The following TBC1D5 variants were observed in gnomAD, a reference collection of about 807,000 sequenced individuals.
TBC1D5 encodes TBC1 domain family, member 5.
Under a neutral mutation model 100.3 loss-of-function variants are expected in TBC1D5, and 75 were observed. That is an observed-to-expected ratio of 0.75 (90% CI 0.62 to 0.91). TBC1D5 has a LOEUF of 0.91. Ranked by LOEUF, TBC1D5 falls within the 40% of genes least tolerant of loss-of-function variation. The probability of loss-of-function intolerance (pLI) is 0.00; values close to 1 mark genes in which losing one functional copy is unlikely to be tolerated. For synonymous variants in TBC1D5, 323 were observed against 325.6 expected, an observed-to-expected ratio of 0.99 and a Z score of 0.09; for missense variants, 910 against 942.4, an observed-to-expected ratio of 0.97 and a Z score of 0.45.
intron 15 of TBC1D5, among the ~76,000 whole-genome samples, chr3:17,289,668 G>A (rs1369264914): frequency 6.6e-6 from 1 of 150,660 alleles, no homozygotes. Flanking sequence ...CAAAGACAAA[G>A]GATGTTCTGC....
intron 3 of TBC1D5, among the ~76,000 whole-genome samples, chr3:17,500,603 A>G (rs576086597): frequency 6.7e-6 from 1 of 149,448 alleles, no homozygotes; most frequent in African/African-American, 2.5e-5. Flanking sequence ...TCCTCCTTTT[A>G]TACTCTTTAA....
At chr3:17,563,990 G>A (rs1188391479) in intron 2 of TBC1D5, among the ~76,000 whole-genome samples, 3 of 152,148 alleles carry the variant, frequency 2.0e-5, no homozygotes, top group Non-Finnish European at 4.4e-5. Flanking sequence ...CACCGTGTTA[G>A]CCAGGATGGT....
rs560919695 is a variant in TBC1D5, at chr3:17,669,365, A to T, written c.-100-45452T>A. On this transcript the variant is annotated intron_variant, in intron 1 of 21. Transcript: ENST00000253692. ...AGCAGCATGAGAATGGACTAATACA[A>T]CGACAAAGAAGATAATAATCATTTA... 2.6e-5 allele frequency among the ~76,000 whole-genome samples: 4 copies of T among 152,288 alleles called. No individual in the cohort carries two copies. In the South Asian group the frequency reaches 8.3e-4, roughly 32 times the overall value.
intron 15 of TBC1D5, among the ~76,000 whole-genome samples, chr3:17,269,884 C>T (rs1375205205): frequency 1.3e-5 from 2 of 151,998 alleles, no homozygotes; most frequent in Non-Finnish European, 2.9e-5. Context: ...TTTTCTTTAT[C>T]CAATCCACCA....
intron 4 of TBC1D5, among the ~76,000 whole-genome samples, chr3:17,422,226 T>C (rs2094224110): frequency 6.6e-6 from 1 of 152,192 alleles, no homozygotes; most frequent in African/African-American, 2.4e-5. Flanking sequence ...AGCAGCACAG[T>C]GGTGCGATCT....
intron 3 of TBC1D5, among the ~76,000 whole-genome samples, chr3:17,441,484 G>A (rs1214610165): frequency 1.3e-5 from 2 of 152,158 alleles, no homozygotes; most frequent in Non-Finnish European, 2.9e-5. Flanking sequence ...GGTACAATAT[G>A]CAAAGCACAA....
chr3:17,543,450 TG>T (rs1427440449), intron 2 of TBC1D5, among the ~76,000 whole-genome samples: 2 of 151,892 alleles, frequency 1.3e-5, no homozygotes, highest in African/African-American at 4.8e-5. Flanking sequence ...CTGGGTAACA[TG>T]GTGAGATCCT....
chr3:17,320,153 T>C (rs559849143), intron 13 of TBC1D5, among the ~76,000 whole-genome samples: 1 of 152,362 alleles, frequency 6.6e-6, no homozygotes, highest in South Asian at 2.1e-4. Flanking sequence ...GCTTACTTCA[T>C]GTTACCTCAG....
At chr3:17,455,284 ATATGTATATATG>A (rs933517201) in intron 3 of TBC1D5, among the ~76,000 whole-genome samples, 13 of 146,888 alleles carry the variant, frequency 8.9e-5, no homozygotes, top group East Asian at 3.9e-4. Context: ...ATGTGTGTAT[ATATGTATATATG>A]TATGTATATA....
At chr3:17,305,411 A>G (rs2083299885) in intron 14 of TBC1D5, among the ~76,000 whole-genome samples, 1 of 152,158 alleles carries the variant, frequency 6.6e-6, no homozygotes, top group Non-Finnish European at 1.5e-5. Context: ...AAAAGGACAA[A>G]TAATTACTAT....
At chr3:17,722,830 A>C (rs2075814661) in intron 1 of TBC1D5, among the ~76,000 whole-genome samples, 1 of 152,158 alleles carries the variant, frequency 6.6e-6, no homozygotes, top group South Asian at 2.1e-4. Context: ...CTATCCTAGG[A>C]TCTCCCTTAC....
rs9882280 is a variant in TBC1D5, at chr3:17,600,847, A to G, written c.-36+23002T>C. On this transcript the variant is annotated intron_variant, in intron 2 of 21. Coordinates refer to ENST00000253692, the Ensembl canonical transcript of TBC1D5. ...CCGGGCGGGGGAAAAAAACTGCCCA[A>G]AGTCAATCTTTTTTTAAAATAATCC... is the stretch of plus-strand genomic sequence containing the variant. Among the ~76,000 whole-genome samples the G allele has an allele frequency of 9.4e-4, 143 of 152,280 alleles. 1 individual carries two copies. The highest frequency in any genetic ancestry group is 3.3e-3 in the African/African-American group (136 of 41,562).
At chr3:17,610,537 T>C (rs1020233228) in intron 2 of TBC1D5, among the ~76,000 whole-genome samples, 2 of 152,198 alleles carry the variant, frequency 1.3e-5, no homozygotes, top group African/African-American at 4.8e-5. Context: ...ATCTGATCTC[T>C]TACTAATAAG....
At chr3:17,553,496 T>C (rs1474583837) in intron 2 of TBC1D5, among the ~76,000 whole-genome samples, 1 of 152,148 alleles carries the variant, frequency 6.6e-6, no homozygotes, top group Non-Finnish European at 1.5e-5. Flanking sequence ...AAATCCAAAA[T>C]GGAAATTATT....
chr3:17,204,905 A>G (rs753194545), intron 18 of TBC1D5, among the ~76,000 whole-genome samples: 2 of 152,180 alleles, frequency 1.3e-5, no homozygotes, highest in Non-Finnish European at 2.9e-5. Flanking sequence ...GATTTGGGTG[A>G]TGCAAAAAGA....
At chr3:17,350,616 G>A (rs967213598) in intron 13 of TBC1D5, among the ~76,000 whole-genome samples, 2 of 152,052 alleles carry the variant, frequency 1.3e-5, no homozygotes, top group South Asian at 4.2e-4. Flanking sequence ...AGTCATTCGC[G>A]ACACATTTGC....
intron 1 of TBC1D5, among the ~76,000 whole-genome samples, chr3:17,691,741 C>T (rs2071196020): frequency 6.6e-6 from 1 of 151,470 alleles, no homozygotes; most frequent in Non-Finnish European, 1.5e-5. Context: ...CACTTGAACC[C>T]GTGAGGCGGA....
chr3:17,526,558 T>G (rs1219078325), intron 2 of TBC1D5, among the ~76,000 whole-genome samples: 3 of 152,198 alleles, frequency 2.0e-5, no homozygotes, highest in East Asian at 3.8e-4. Context: ...GGAACTGTCC[T>G]CACCATCTGA....
Position 17,161,483 on chromosome 3 carries a change from T to C in TBC1D5, c.2095-227A>G, listed in dbSNP as rs138582645. Reference sequence around the variant, plus strand: ...GCCCCTCTGAAGCCAAATGCTGGCTTCCCTGGGGGAACAAAGTAAAGCTCC... The same window carrying C: ...GCCCCTCTGAAGCCAAATGCTGGCTCCCCTGGGGGAACAAAGTAAAGCTCC... On this transcript the variant is annotated intron_variant, in intron 21 of 21. Transcript: ENST00000253692. 2.0e-4 allele frequency among the ~76,000 whole-genome samples: 31 copies of C among 152,336 alleles called. 1 individual carries two copies. The East Asian group carries it at 5.8e-3, about 28-fold the overall frequency.
Sources: allele counts gnomAD v4.1 joint callset (sites outside exome capture counted in the v4.1 genomes callset), GRCh38; gene constraint gnomAD v4.1.1; transcripts MANE v1.5; gene names NCBI Gene and HGNC (gene_info 2026-07-23, HGNC 2026-07-21).